Variants in B3GALT1 observed in about 807,000 individuals in gnomAD.
B3GALT1 encodes beta-1,3-galactosyltransferase 1, also known as UDP-Gal:betaGlcNAc beta 1,3-galactosyltransferase, polypeptide 1.
A neutral mutation model predicts 23.2 loss-of-function variants in B3GALT1; 10 were observed. The observed-to-expected ratio is 0.43, with a 90% CI of 0.27 to 0.73. The LOEUF (loss-of-function observed/expected upper bound fraction) is 0.73. Among genes scored for constraint, B3GALT1 ranks in the 30% least tolerant of loss-of-function variants. B3GALT1 has a pLI of 0.21. For missense variants in B3GALT1, 299 were observed against 405.4 expected (o/e 0.74, Z 2.25); for synonymous variants, 156 against 141.5 (o/e 1.10, Z -0.73).
chr2:167,837,875 A>C (rs1039797719), intron 4 of B3GALT1, among the ~76,000 whole-genome samples: 11 of 152,110 alleles, frequency 7.2e-5, no homozygotes, highest in East Asian at 3.9e-4. Flanking sequence ...TAAGAAACTC[A>C]CTCAAAACCG....
At chr2:167,392,200 A>G (rs1223042575) in intron 1 of B3GALT1, among the ~76,000 whole-genome samples, 1 of 151,978 alleles carries the variant, frequency 6.6e-6, no homozygotes, top group Non-Finnish European at 1.5e-5. Flanking sequence ...TTATTCTTTT[A>G]AATCGTTTCT....
chr2:167,657,326 C>CAG (rs1308891038), intron 3 of B3GALT1, among the ~76,000 whole-genome samples: 3 of 151,870 alleles, frequency 2.0e-5, no homozygotes, highest in Non-Finnish European at 1.5e-5. Flanking sequence ...GGAGAGTATA[C>CAG]AGAGAGAGAA....
At chr2:167,369,804 T>C (rs1210795128) in intron 1 of B3GALT1, among the ~76,000 whole-genome samples, 2 of 152,186 alleles carry the variant, frequency 1.3e-5, no homozygotes, top group African/African-American at 4.8e-5. Flanking sequence ...AACCAAGTTT[T>C]AGAGAGTATT....
At chr2:167,529,449 G>A (rs1043240623) in intron 2 of B3GALT1, among the ~76,000 whole-genome samples, 1 of 151,672 alleles carries the variant, frequency 6.6e-6, no homozygotes, top group African/African-American at 2.4e-5. Context: ...ACTCTAAGAG[G>A]GCAACTAATA....
At chr2:167,442,754 C>T (rs1698915809) in intron 1 of B3GALT1, among the ~76,000 whole-genome samples, 1 of 146,994 alleles carries the variant, frequency 6.8e-6, no homozygotes, top group Admixed American at 6.8e-5. Context: ...TGTTTGAGTT[C>T]ATTGTAGATT....
chr2:167,446,920 TGGA>T (rs199712424), intron 1 of B3GALT1, among the ~76,000 whole-genome samples: 2,028 of 152,296 alleles, frequency 0.013, 43 homozygotes, highest in African/African-American at 0.046. Flanking sequence ...TACGTTCCTT[TGGA>T]GGAGAAGAGG....
chr2:167,354,031 G>A (rs1474697739), intron 1 of B3GALT1, among the ~76,000 whole-genome samples: 1 of 152,120 alleles, frequency 6.6e-6, no homozygotes, highest in African/African-American at 2.4e-5. Flanking sequence ...CTGTAAAGAT[G>A]CTACCATTTT....
intron 2 of B3GALT1, among the ~76,000 whole-genome samples, chr2:167,512,532 GTGTATATATATA>G (rs1192808870): frequency 6.8e-5 from 8 of 118,160 alleles, no homozygotes; most frequent in South Asian, 2.7e-4. Flanking sequence ...ATATGTGTGT[GTGTATATATATA>G]TGTATATATA....
chr2:167,483,295 A>G (rs547062282), intron 1 of B3GALT1, among the ~76,000 whole-genome samples: 1 of 152,294 alleles, frequency 6.6e-6, no homozygotes, highest in East Asian at 1.9e-4. Flanking sequence ...CTCCATCTCA[A>G]AACAACAACA....
chr2:167,627,967 GT>G (rs1284925362), intron 2 of B3GALT1, among the ~76,000 whole-genome samples: 1 of 151,524 alleles, frequency 6.6e-6, no homozygotes, highest in African/African-American at 2.4e-5. Context: ...TTTGAATGAC[GT>G]TTGATGTGCT....
chr2:167,625,152 T>C (rs1018736384), intron 2 of B3GALT1, among the ~76,000 whole-genome samples: 2 of 151,936 alleles, frequency 1.3e-5, no homozygotes, highest in East Asian at 1.9e-4. Context: ...TGCAGGTAAA[T>C]TGGAAAAGTA....
chr2:167,582,029 G>A (rs1407940651), intron 2 of B3GALT1, among the ~76,000 whole-genome samples: 1 of 152,134 alleles, frequency 6.6e-6, no homozygotes, highest in Non-Finnish European at 1.5e-5. Context: ...CACTAAGATA[G>A]AAGAATAGCT....
intron 3 of B3GALT1, among the ~76,000 whole-genome samples, chr2:167,756,431 A>G (rs1000594541): frequency 6.6e-6 from 1 of 152,234 alleles, no homozygotes; most frequent in Non-Finnish European, 1.5e-5. Context: ...TGTTGATCGC[A>G]TATAAATACA....
intron 1 of B3GALT1, among the ~76,000 whole-genome samples, chr2:167,365,472 G>T (rs931077863): frequency 3.3e-5 from 5 of 151,994 alleles, no homozygotes; most frequent in Admixed American, 2.0e-4. Flanking sequence ...TGCTGCTTCT[G>T]CTGTCATAAT....
At chr2:167,375,301 G>T (rs1223567556) in intron 1 of B3GALT1, among the ~76,000 whole-genome samples, 3 of 152,052 alleles carry the variant, frequency 2.0e-5, no homozygotes. Flanking sequence ...CTTTTGCTTA[G>T]GATTTTTGTG....
intron 2 of B3GALT1, among the ~76,000 whole-genome samples, chr2:167,496,554 T>A (rs1442245137): frequency 6.6e-6 from 1 of 152,190 alleles, no homozygotes; most frequent in East Asian, 1.9e-4. Context: ...AGGGTAATAG[T>A]CATTGATTAC....
chr2:167,860,921 C>T (rs1158359293), intron 4 of B3GALT1, among the ~76,000 whole-genome samples: 2 of 151,264 alleles, frequency 1.3e-5, no homozygotes, highest in Non-Finnish European at 2.9e-5. Context: ...TTTTCACACT[C>T]GTGCTTCATT....
chr2:167,425,399 A>G (rs927136798), intron 1 of B3GALT1, among the ~76,000 whole-genome samples: 4 of 152,246 alleles, frequency 2.6e-5, no homozygotes, highest in African/African-American at 7.2e-5. Context: ...ATGGAGTATT[A>G]AAGAATGAAT....
intron 3 of B3GALT1, among the ~76,000 whole-genome samples, chr2:167,662,526 G>A (rs547815466): frequency 5.2e-4 from 79 of 152,180 alleles, no homozygotes; most frequent in South Asian, 2.1e-3. Context: ...GTATGGAATG[G>A]CATCATGTCT....
Sources: gnomAD v4.1 joint callset for allele counts (sites outside exome capture counted in the v4.1 genomes callset) on GRCh38, gnomAD v4.1.1 for gene constraint, MANE v1.5 for transcripts, NCBI Gene and HGNC (gene_info 2026-07-23, HGNC 2026-07-21) for gene names.